Variants in PLEKHB1 observed in about 807,000 individuals in gnomAD.
PLEKHB1 encodes pleckstrin homology domain-containing family B member 1.
A neutral mutation model predicts 36.2 loss-of-function variants in PLEKHB1; 29 were observed. That is an observed-to-expected ratio of 0.80 (90% CI 0.60 to 1.09). The LOEUF (loss-of-function observed/expected upper bound fraction) is 1.09. Ranked by LOEUF, PLEKHB1 falls within the 50% of genes least tolerant of loss-of-function variation. PLEKHB1 has a pLI of 0.00. For synonymous variants in PLEKHB1, 138 were observed against 140.0 expected, an observed-to-expected ratio of 0.99 and a Z score of 0.10; for missense variants, 330 against 348.2, an observed-to-expected ratio of 0.95 and a Z score of 0.42.
Position 73,662,447 on chromosome 11 carries a change from C to G in PLEKHB1, c.*845C>G, listed in dbSNP as rs1025821638. On this transcript the variant is annotated 3_prime_UTR_variant, in exon 8 of 8. Transcript: ENST00000354190. ...GGTGAGTTCTATTTGAGACTTCCAG[C>G]CCTAGAAAGCTGCCTCCGTCCAGAA... The G allele has an allele frequency of 1.3e-5, 2 of 152,464 alleles. No individual in the cohort carries two copies. Among genetic ancestry groups the G allele is most frequent in the Admixed American group, 6.5e-5 (1 of 15,282 alleles). 9.4% of individuals were successfully genotyped at this position (152,464 alleles called of 1,614,324 possible).
chr11:73,659,791 G>A lies in PLEKHB1; in HGVS notation c.496-962G>A, dbSNP rs543228138. On this transcript the variant is annotated intron_variant, in intron 6 of 7. Coordinates refer to ENST00000354190, the MANE Select transcript of PLEKHB1 (RefSeq NM_021200.3). ...AGAGAGAACACTGACCATTCTCTGA[G>A]CCTCAGTCCCCAACCCTATGGTCAT... is the stretch of plus-strand genomic sequence containing the variant. Among the ~76,000 whole-genome samples the A allele has an allele frequency of 7.2e-5, 11 of 152,276 alleles. No homozygotes were observed. The East Asian group carries it at 1.7e-3, about 24-fold the overall frequency.
chr11:73,651,640 T>A (rs1441268249), intron 3 of PLEKHB1, 148 bp from the exon 4 acceptor site: 34 of 676,494 alleles, frequency 5.0e-5, no homozygotes, highest in Non-Finnish European at 9.0e-5. Context: ...TAGAGTGGAA[T>A]CCCTCAGAGA....
In PLEKHB1 at chr11:73,660,799, C is replaced by G. The variant is rs373852838; in HGVS notation, c.542C>G (p.Pro181Arg). 11 of 1,602,686 alleles carry G rather than the reference C, an allele frequency of 6.9e-6. No individual in the cohort carries two copies. The Admixed American group carries it at 1.2e-4, about 17-fold the overall frequency. The change falls in exon 7 of 8, where the codon CCC becomes CGC. Residue 181 changes from proline to arginine, a missense_variant. Transcript: ENST00000354190. ...CAAGACTACTACGAGGTGGTGCCCCCCAATGCACACGAGGCCACGTATGTC... is the reference window on the plus strand; with the variant it reads ...CAAGACTACTACGAGGTGGTGCCCCGCAATGCACACGAGGCCACGTATGTC... ...PYQDYYEVVP[P>R]NAHEATYVRS...
chr11:73,657,657 T>A (rs1484157825), intron 6 of PLEKHB1, among the ~76,000 whole-genome samples: 1 of 152,142 alleles, frequency 6.6e-6, no homozygotes, highest in South Asian at 2.1e-4. Context: ...TGCTCCACCC[T>A]CTCCAGGGCC....
At chr11:73,647,730 G>A (rs1390266099) in intron 1 of PLEKHB1, 2 of 985,500 alleles carry the variant, frequency 2.0e-6, no homozygotes, top group Non-Finnish European at 2.4e-6. Context: ...CGCAACAAGT[G>A]TAGACAAGGT....
In PLEKHB1 at chr11:73,651,887, C is replaced by T. The variant is rs141623430; in HGVS notation, c.347C>T (p.Ala116Val). Residue 116 changes from alanine (A) to valine (V), a missense_variant, in exon 4 of 8, where the codon GCC becomes GTC. Physicochemically the swap from Ala to Val is moderately conservative, Grantham distance 64. Coordinates refer to ENST00000354190, the MANE Select transcript of PLEKHB1 (RefSeq NM_021200.3). The stretch of plus-strand genomic sequence containing the variant: ...CTCTGTGCGGAGACCAAGGATGATG[C>T]CCTGTGAGTCACTCCCAGGAGAGGA... ...LHLCAETKDD[A>V]LAWKTALLEA... 35 of 1,612,832 alleles carry T rather than the reference C, an allele frequency of 2.2e-5. No individual in the cohort carries two copies. In the East Asian group the frequency reaches 7.6e-4, roughly 35 times the overall value.
In PLEKHB1 at chr11:73,661,798, A is replaced by G; in HGVS notation, c.*196A>G. On this transcript the variant is annotated 3_prime_UTR_variant, in exon 8 of 8. Coordinates refer to ENST00000354190, the MANE Select transcript of PLEKHB1 (RefSeq NM_021200.3). The surrounding 1 kb of genome is among the most constrained non-coding windows in gnomAD (Gnocchi z 4.6). Reference sequence around the variant, plus strand: ...GAAGAAGCTATCATCACAGGTACAAACATCGCTTGAAGTCTTCACATCTAC... The same window carrying G: ...GAAGAAGCTATCATCACAGGTACAAGCATCGCTTGAAGTCTTCACATCTAC... 1 of 656,022 alleles carries G rather than the reference A, an allele frequency of 1.5e-6. No homozygotes were observed. The highest frequency in any genetic ancestry group is 2.4e-5 in the South Asian group (1 of 42,346). 40.6% of individuals were successfully genotyped at this position (656,022 alleles called of 1,614,324 possible).
chr11:73,661,021 T>C lies in PLEKHB1; in HGVS notation c.595+169T>C. 1 of 674,602 alleles carries C rather than the reference T, an allele frequency of 1.5e-6. No individual in the cohort carries two copies. Among genetic ancestry groups the C allele is most frequent in the South Asian group, 1.8e-5 (1 of 55,246 alleles). 41.8% of individuals were successfully genotyped at this position (674,602 alleles called of 1,614,324 possible). A position where few individuals can be genotyped will look rare whatever the true frequency, so the allele number is the denominator to read the frequency against. On this transcript the variant is annotated intron_variant, in intron 7 of 7. Coordinates refer to ENST00000354190, the MANE Select transcript of PLEKHB1 (RefSeq NM_021200.3). The surrounding 1 kb of genome is among the most constrained non-coding windows in gnomAD (Gnocchi z 4.6). ...CTCCATCCTGAGACTGGGAGAGCTC[T>C]GGAACCAGCGTTCGTCTCGAGCTGA...
At position 73,650,634 on chromosome 11, in the gene PLEKHB1, C is replaced by A; in HGVS notation, c.176C>A (p.Ala59Glu). ...GTLGYYHDET[A>E]QDEEDRVLIH... ...CTGGGATACTACCACGATGAGACAG[C>A]GCAGGACGAGGAGGACCGTGTGCTC... Residue 59 changes from alanine (A) to glutamate (E), a missense_variant, in exon 3 of 8, where the codon GCG becomes GAG. Ala to Glu is a moderately radical substitution (Grantham distance 107). Coordinates refer to ENST00000354190, the MANE Select transcript of PLEKHB1 (RefSeq NM_021200.3). The A allele has an allele frequency of 6.2e-7, 1 of 1,612,818 alleles. No homozygotes were observed. Among genetic ancestry groups the A allele is most frequent in the South Asian group, 1.1e-5 (1 of 90,720 alleles).
In PLEKHB1 at chr11:73,661,302, T is replaced by C. The variant is rs1008336538; in HGVS notation, c.596-164T>C. Among the ~76,000 whole-genome samples, 1 of 152,056 alleles carries C rather than the reference T, an allele frequency of 6.6e-6. No individual in the cohort carries two copies. The highest frequency in any genetic ancestry group is 1.5e-5 in the Non-Finnish European group (1 of 68,004). On this transcript the variant is annotated intron_variant, in intron 7 of 7. Transcript: ENST00000354190. The surrounding 1 kb of genome is among the most constrained non-coding windows in gnomAD (Gnocchi z 4.6). ...TAGCCGATCCAAGGCCTGGGAGCCG[T>C]AGGGTGGAGCTCTTCCCGCGTCTAG...
chr11:73,647,494 C>T (rs1944789638), intron 1 of PLEKHB1: 2 of 935,842 alleles, frequency 2.1e-6, no homozygotes, highest in African/African-American at 1.8e-5. Context: ...CTGCCCAGCT[C>T]TACAGGGGTA....
At chr11:73,660,996 C>G (rs1248855983) in intron 7 of PLEKHB1, 144 bp downstream of exon 7, 1 of 758,916 alleles carries the variant, frequency 1.3e-6, no homozygotes, top group Admixed American at 2.3e-5. Flanking sequence ...GCAAGCCCCT[C>G]TCCATCCTGA....
chr11:73,651,895 G>A lies in PLEKHB1; in HGVS notation c.350+5G>A. On this transcript the variant is annotated splice_donor_5th_base_variant and intron_variant, in intron 4 of 7. Coordinates refer to ENST00000354190, the MANE Select transcript of PLEKHB1 (RefSeq NM_021200.3). The stretch of plus-strand genomic sequence containing the variant: ...GGAGACCAAGGATGATGCCCTGTGA[G>A]TCACTCCCAGGAGAGGATGGGGTGG... 6.2e-7 allele frequency: 1 copy of A among 1,612,330 alleles called. No individual in the cohort carries two copies. Among genetic ancestry groups the A allele is most frequent in the African/African-American group, 1.3e-5 (1 of 75,052 alleles).
Position 73,659,178 on chromosome 11 carries a change from A to C in PLEKHB1, c.496-1575A>C, listed in dbSNP as rs1234064135. Among the ~76,000 whole-genome samples, 9 of 150,922 alleles carry C rather than the reference A, an allele frequency of 6.0e-5. No individual in the cohort carries two copies. The Admixed American group carries it at 6.0e-4, about 10-fold the overall frequency. The stretch of plus-strand genomic sequence containing the variant: ...GAGGCGGAGGTTGCAGTGAGCTGAT[A>C]CCATGCCATTGCACTCCAGCCTGGA... On this transcript the variant is annotated intron_variant, in intron 6 of 7. Transcript: ENST00000354190.
intron 6 of PLEKHB1, 112 bp downstream of exon 6, chr11:73,656,019 C>A: frequency 1.1e-6 from 1 of 873,020 alleles, no homozygotes; most frequent in Non-Finnish European, 1.8e-6. Flanking sequence ...CTCCCTATCA[C>A]CCACAGGACA....
Position 73,655,287 on chromosome 11 carries a change from C to G in PLEKHB1, c.391-516C>G, listed in dbSNP as rs967168488. ...GGGGTGTATTTGTGCCTGTGTCTACCTATCTTTGTGTGTTCACCTCTGTTT... is the reference window on the plus strand; with the variant it reads ...GGGGTGTATTTGTGCCTGTGTCTACGTATCTTTGTGTGTTCACCTCTGTTT... On this transcript the variant is annotated intron_variant, in intron 5 of 7. Transcript: ENST00000354190. Among the ~76,000 whole-genome samples, 19 of 152,322 alleles carry G rather than the reference C, an allele frequency of 1.2e-4. No homozygotes were observed. In the East Asian group the frequency reaches 3.5e-3, roughly 28 times the overall value.
At chr11:73,652,697 C>CT (rs753882069) in intron 4 of PLEKHB1, 19 of 371,524 alleles carry the variant, frequency 5.1e-5, no homozygotes, top group Non-Finnish European at 8.7e-5. Flanking sequence ...CTGACATCCC[C>CT]TGAGAGACCA....
At chr11:73,658,581 G>T (rs1246864997) in intron 6 of PLEKHB1, among the ~76,000 whole-genome samples, 2 of 152,070 alleles carry the variant, frequency 1.3e-5, no homozygotes, top group African/African-American at 4.8e-5. Flanking sequence ...TGAAGACAAG[G>T]GCAACAACCT....
intron 1 of PLEKHB1, chr11:73,647,751 AG>A: frequency 1.0e-6 from 1 of 985,258 alleles, no homozygotes; most frequent in Non-Finnish European, 1.2e-6. Flanking sequence ...GGGTGCATCA[AG>A]GGGAGGGGCT....
Sources: gnomAD v4.1 joint callset for allele counts (sites outside exome capture counted in the v4.1 genomes callset) on GRCh38, gnomAD v4.1.1 for gene constraint, Gnocchi (gnomAD v3.1) non-coding constraint, MANE v1.5 for transcripts, NCBI Gene and HGNC (gene_info 2026-07-23, HGNC 2026-07-21) for gene names.